Variants in SGCD observed in about 807,000 individuals in gnomAD.
SGCD encodes sarcoglycan delta, also known as delta-sarcoglycan.
SGCD carries 18 observed loss-of-function variants against 36.6 expected under a neutral mutation model. That is an observed-to-expected ratio of 0.49 (90% CI 0.34 to 0.73). The LOEUF is 0.73. Among genes scored for constraint, SGCD ranks in the 30% least tolerant of loss-of-function variants. SGCD has a pLI of 0.01. For synonymous variants in SGCD, 133 were observed against 130.6 expected, an observed-to-expected ratio of 1.02 and a Z score of -0.12; for missense variants, 387 against 346.7, an observed-to-expected ratio of 1.12 and a Z score of -0.92.
chr5:156,643,221 G>A (rs949893683), intron 6 of SGCD, among the ~76,000 whole-genome samples: 2 of 151,796 alleles, frequency 1.3e-5, no homozygotes, highest in Admixed American at 6.6e-5. Flanking sequence ...CAGTAGAGAT[G>A]GGATTTCTCC....
chr5:156,647,691 A>G (rs533820377), intron 7 of SGCD, among the ~76,000 whole-genome samples, 155 bp downstream of exon 7: 1 of 152,252 alleles, frequency 6.6e-6, no homozygotes, highest in East Asian at 1.9e-4. Context: ...TACAACCAAA[A>G]GAAAATTTTC....
At chr5:156,348,334 C>T (rs767575850) in intron 3 of SGCD, among the ~76,000 whole-genome samples, 3 of 152,120 alleles carry the variant, frequency 2.0e-5, no homozygotes, top group Non-Finnish European at 4.4e-5. Flanking sequence ...TTGCCGATTA[C>T]ATGAGCATAT....
At chr5:155,813,123 G>A in the SGCD span, among the ~76,000 whole-genome samples, 1 of 151,790 alleles carries the variant, frequency 6.6e-6, no homozygotes, top group Non-Finnish European at 1.5e-5. Flanking sequence ...CAAAAAAAAG[G>A]GCTTGATCAC....
chr5:156,046,623 G>A (rs1355580318), intron 1 of SGCD, among the ~76,000 whole-genome samples: 4 of 151,944 alleles, frequency 2.6e-5, no homozygotes. Context: ...TTTGGGATGC[G>A]ACAGACCCTG....
At chr5:156,650,707 T>C (rs771809007) in intron 7 of SGCD, among the ~76,000 whole-genome samples, 2 of 152,222 alleles carry the variant, frequency 1.3e-5, no homozygotes, top group Non-Finnish European at 2.9e-5. Context: ...ATGGTATATA[T>C]GTACCACATT....
At chr5:155,781,611 A>G in the SGCD span, among the ~76,000 whole-genome samples, 1 of 151,982 alleles carries the variant, frequency 6.6e-6, no homozygotes, top group Non-Finnish European at 1.5e-5. Context: ...GTAGGCATGC[A>G]CTACTATGCC....
chr5:156,197,846 A>G (rs1178489760), intron 3 of SGCD, among the ~76,000 whole-genome samples: 2 of 152,124 alleles, frequency 1.3e-5, no homozygotes, highest in South Asian at 2.1e-4. Flanking sequence ...TTTATGGGGT[A>G]CAATGTGATG....
chr5:156,629,855 CTTTTTT>C (rs560099325), intron 6 of SGCD, among the ~76,000 whole-genome samples: 7 of 85,626 alleles, frequency 8.2e-5, no homozygotes, highest in Non-Finnish European at 1.4e-4. Context: ...GAGACTTTTT[CTTTTTT>C]TTTTTTTTTT....
intron 3 of SGCD, among the ~76,000 whole-genome samples, chr5:156,455,202 G>C (rs530364810): frequency 1.3e-5 from 2 of 152,252 alleles, no homozygotes; most frequent in South Asian, 2.1e-4. Flanking sequence ...TACATGATAG[G>C]ACTCATGGAG....
At chr5:156,377,907 T>C (rs1373766322) in intron 3 of SGCD, among the ~76,000 whole-genome samples, 1 of 152,212 alleles carries the variant, frequency 6.6e-6, no homozygotes, top group African/African-American at 2.4e-5. Flanking sequence ...TCCATTGCTA[T>C]TTAACATAGT....
chr5:156,041,632 C>T (rs145699159), intron 1 of SGCD, among the ~76,000 whole-genome samples: 6 of 152,170 alleles, frequency 3.9e-5, no homozygotes, highest in East Asian at 1.9e-4. Context: ...TGTGTCTTTT[C>T]GCAACTGTGT....
intron 4 of SGCD, among the ~76,000 whole-genome samples, chr5:156,576,023 C>T (rs1022172074): frequency 2.0e-5 from 3 of 152,108 alleles, no homozygotes; most frequent in Non-Finnish European, 4.4e-5. Flanking sequence ...GTGCTGCACC[C>T]ATTAACCTGT....
intron 3 of SGCD, among the ~76,000 whole-genome samples, chr5:156,217,511 A>G (rs563753461): frequency 6.6e-6 from 1 of 152,224 alleles, no homozygotes; most frequent in East Asian, 1.9e-4. Flanking sequence ...CAGGGGATTC[A>G]TGTGGGATAA....
chr5:156,633,924 CTT>C (rs1197642209), intron 6 of SGCD, among the ~76,000 whole-genome samples: 1 of 152,164 alleles, frequency 6.6e-6, no homozygotes, highest in Non-Finnish European at 1.5e-5. Context: ...GCACAGAAAT[CTT>C]TGCTGAGGTG....
chr5:156,169,716 C>G (rs112993660), intron 3 of SGCD, among the ~76,000 whole-genome samples: 4 of 152,196 alleles, frequency 2.6e-5, no homozygotes, highest in African/African-American at 9.6e-5. Flanking sequence ...CAAGTGAGTT[C>G]TGGAAGAAAA....
intron 6 of SGCD, among the ~76,000 whole-genome samples, chr5:156,643,556 A>G (rs994556330): frequency 6.6e-6 from 1 of 152,114 alleles, no homozygotes; most frequent in Non-Finnish European, 1.5e-5. Context: ...AGCGGAAGAA[A>G]CCTTAAAGAT....
intron 3 of SGCD, among the ~76,000 whole-genome samples, chr5:156,304,260 C>G (rs995900321): frequency 4.6e-5 from 7 of 152,100 alleles, no homozygotes; most frequent in African/African-American, 1.7e-4. Flanking sequence ...TTGACTGTGT[C>G]CCCACCCAAA....
the SGCD span, among the ~76,000 whole-genome samples, chr5:155,730,209 C>G: frequency 6.6e-6 from 1 of 152,122 alleles, no homozygotes; most frequent in African/African-American, 2.4e-5. Flanking sequence ...CTGAACTCAC[C>G]TTTCTTCGGT....
chr5:155,800,338 C>CGAA, the SGCD span, among the ~76,000 whole-genome samples: 1 of 152,034 alleles, frequency 6.6e-6, no homozygotes, highest in Non-Finnish European at 1.5e-5. Flanking sequence ...GTATTTTTTC[C>CGAA]AAGTGTTTCT....
Sources: allele counts gnomAD v4.1 joint callset (sites outside exome capture counted in the v4.1 genomes callset), GRCh38; gene constraint gnomAD v4.1.1; transcripts MANE v1.5; gene names NCBI Gene and HGNC (gene_info 2026-07-23, HGNC 2026-07-21).